RBFOX1: variants seen among roughly 807,000 people sequenced by gnomAD.
The protein encoded by RBFOX1 is RNA binding fox-1 homolog 1, also known as RNA binding protein fox-1 homolog 1.
In RBFOX1, 8 loss-of-function variants were observed where a neutral mutation model predicts 57.7. The ratio of observed to expected loss-of-function variants is 0.14; its 90% confidence interval spans 0.08 to 0.25. The LOEUF (loss-of-function observed/expected upper bound fraction) is 0.25. Among genes scored for constraint, RBFOX1 ranks in the 10% least tolerant of loss-of-function variants. The pLI, the probability that RBFOX1 is intolerant of heterozygous loss-of-function variation, is 1.00. For missense variants in RBFOX1, 611 were observed against 548.5 expected (o/e 1.11, Z -1.14); for synonymous variants, 326 against 222.4 (o/e 1.47, Z -4.15).
intron 3 of RBFOX1, among the ~76,000 whole-genome samples, chr16:5,632,284 C>A (rs1460146012): frequency 6.6e-6 from 1 of 152,240 alleles, no homozygotes; most frequent in Non-Finnish European, 1.5e-5. Flanking sequence ...ATGGGAGTTA[C>A]ACCTGCTGGG....
chr16:6,667,688 C>T (rs963081931), intron 3 of RBFOX1, among the ~76,000 whole-genome samples: 2 of 151,940 alleles, frequency 1.3e-5, no homozygotes, highest in African/African-American at 4.8e-5. Context: ...TGAGATGAGC[C>T]TAGGCAACAT....
intron 1 of RBFOX1, among the ~76,000 whole-genome samples, chr16:5,447,291 C>T (rs1348840024): frequency 1.3e-5 from 2 of 151,880 alleles, no homozygotes; most frequent in Admixed American, 6.6e-5. Flanking sequence ...GGCTCTGCAC[C>T]GTATAAGCTG....
intron 4 of RBFOX1, among the ~76,000 whole-genome samples, chr16:5,889,665 A>G (rs948866564): frequency 6.6e-6 from 1 of 152,238 alleles, no homozygotes; most frequent in African/African-American, 2.4e-5. Context: ...CACTGAGGAT[A>G]AATAACCAAA....
intron 3 of RBFOX1, among the ~76,000 whole-genome samples, chr16:6,884,531 A>T (rs2063582495): frequency 6.6e-6 from 1 of 152,204 alleles, no homozygotes; most frequent in Non-Finnish European, 1.5e-5. Context: ...TGTTACATGT[A>T]CATCATCTGT....
At chr16:5,782,051 A>G (rs2054341231) in intron 3 of RBFOX1, among the ~76,000 whole-genome samples, 2 of 152,236 alleles carry the variant, frequency 1.3e-5, no homozygotes, top group African/African-American at 4.8e-5. Context: ...TACTAAAAAT[A>G]GAGAAAGACA....
chr16:7,045,824 T>A (rs752488279), intron 3 of RBFOX1, among the ~76,000 whole-genome samples: 1 of 151,876 alleles, frequency 6.6e-6, no homozygotes, highest in Admixed American at 6.6e-5. Context: ...TGTGGCTAAT[T>A]TTTTTGTATT....
chr16:6,878,015 A>G (rs548026072), intron 3 of RBFOX1, among the ~76,000 whole-genome samples: 1 of 152,236 alleles, frequency 6.6e-6, no homozygotes, highest in South Asian at 2.1e-4. Context: ...GGAGGAATTT[A>G]AGGATGTTGT....
intron 3 of RBFOX1, among the ~76,000 whole-genome samples, chr16:6,866,238 C>G (rs927854216): frequency 6.6e-6 from 1 of 151,850 alleles, no homozygotes; most frequent in Non-Finnish European, 1.5e-5. Context: ...TTTTAAGGTT[C>G]TGGAAATGTA....
intron 3 of RBFOX1, among the ~76,000 whole-genome samples, chr16:6,899,176 GTATAA>G (rs1322327068): frequency 9.8e-5 from 14 of 143,464 alleles, no homozygotes; most frequent in Non-Finnish European, 1.8e-4. Flanking sequence ...GTATGTGTGT[GTATAA>G]TATGTGTGTG....
intron 3 of RBFOX1, among the ~76,000 whole-genome samples, chr16:6,877,999 C>T (rs2062155696): frequency 6.6e-6 from 1 of 152,006 alleles, no homozygotes; most frequent in Non-Finnish European, 1.5e-5. Context: ...TGTGCTTAAG[C>T]ATATAGGAGG....
intron 1 of RBFOX1, among the ~76,000 whole-genome samples, chr16:6,105,774 A>G (rs982847778): frequency 6.6e-6 from 1 of 151,934 alleles, no homozygotes; most frequent in Non-Finnish European, 1.5e-5. Flanking sequence ...CCTTTTATTT[A>G]TGTTTTCCTG....
rs141262616 is a variant in RBFOX1, at chr16:6,134,053, C to G, written c.-127+114061C>G. Among the ~76,000 whole-genome samples the G allele has an allele frequency of 8.4e-4, 128 of 152,084 alleles. 1 individual carries two copies. In the East Asian group the frequency reaches 0.023, roughly 27 times the overall value. Reference sequence around the variant, plus strand: ...CTGGGTTCAAGTGATTCTCCTGCCTCAGCCCCCCAGGTAACTGAGATTACA... The same window carrying G: ...CTGGGTTCAAGTGATTCTCCTGCCTGAGCCCCCCAGGTAACTGAGATTACA... On this transcript the variant is annotated intron_variant, in intron 1 of 15. Coordinates refer to ENST00000550418, the MANE Select transcript of RBFOX1 (RefSeq NM_018723.4).
At chr16:7,011,210 C>T (rs1056813859) in intron 3 of RBFOX1, among the ~76,000 whole-genome samples, 1 of 152,090 alleles carries the variant, frequency 6.6e-6, no homozygotes, top group Non-Finnish European at 1.5e-5. Flanking sequence ...TCGTGGAGTC[C>T]TCATACCATT....
At chr16:6,857,995 A>T (rs902590486) in intron 3 of RBFOX1, among the ~76,000 whole-genome samples, 10 of 152,198 alleles carry the variant, frequency 6.6e-5, no homozygotes, top group African/African-American at 1.9e-4. Context: ...GGGAGATTCT[A>T]AACCAGCATA....
intron 2 of RBFOX1, among the ~76,000 whole-genome samples, chr16:6,633,851 A>T (rs1380972045): frequency 6.6e-6 from 1 of 152,166 alleles, no homozygotes; most frequent in Non-Finnish European, 1.5e-5. Flanking sequence ...CTATAAAAAA[A>T]TAAAAATAAA....
At chr16:7,080,318 T>G (rs2058993587) in intron 4 of RBFOX1, among the ~76,000 whole-genome samples, 1 of 152,056 alleles carries the variant, frequency 6.6e-6, no homozygotes, top group Non-Finnish European at 1.5e-5. Flanking sequence ...ATAAATAGAT[T>G]ATTTCCTCCA....
chr16:6,916,312 T>C (rs1306646366), intron 3 of RBFOX1, among the ~76,000 whole-genome samples: 1 of 152,184 alleles, frequency 6.6e-6, no homozygotes, highest in Non-Finnish European at 1.5e-5. Flanking sequence ...CATCCGTTGA[T>C]GGACAGTTGG....
chr16:5,903,757 G>A (rs553837479), intron 4 of RBFOX1, among the ~76,000 whole-genome samples: 8 of 152,256 alleles, frequency 5.3e-5, no homozygotes, highest in African/African-American at 1.9e-4. Context: ...CACTACCTAT[G>A]AGAGCTAGGC....
At chr16:5,471,618 C>T (rs1203083480) in intron 2 of RBFOX1, among the ~76,000 whole-genome samples, 1 of 152,170 alleles carries the variant, frequency 6.6e-6, no homozygotes, top group Non-Finnish European at 1.5e-5. Flanking sequence ...GTTACATGGT[C>T]TGCCTGGGAA....
Sources: gnomAD v4.1 joint callset for allele counts (sites outside exome capture counted in the v4.1 genomes callset) on GRCh38, gnomAD v4.1.1 for gene constraint, MANE v1.5 for transcripts, NCBI Gene and HGNC (gene_info 2026-07-23, HGNC 2026-07-21) for gene names.